Variants in TRIM2 observed in about 807,000 individuals in gnomAD.
The protein encoded by TRIM2 is tripartite motif-containing protein 2.
A neutral mutation model predicts 75.2 loss-of-function variants in TRIM2; 20 were observed. That is an observed-to-expected ratio of 0.27 (90% confidence interval 0.19 to 0.39). The LOEUF (loss-of-function observed/expected upper bound fraction) is 0.39. Among genes scored for constraint, TRIM2 ranks in the 10% least tolerant of loss-of-function variants. TRIM2 has a pLI of 1.00. For missense variants in TRIM2, 660 were observed against 990.8 expected (o/e 0.67, Z 4.48); for synonymous variants, 373 against 388.3 (o/e 0.96, Z 0.46).
intron 6 of TRIM2, among the ~76,000 whole-genome samples, chr4:153,313,328 T>C (rs1175843334): frequency 6.6e-6 from 1 of 152,138 alleles, no homozygotes; most frequent in African/African-American, 2.4e-5. Flanking sequence ...TGCGAGTAGA[T>C]GAGATGCAGA....
upstream of TRIM2, among the ~76,000 whole-genome samples, chr4:153,201,698 A>G (rs1008879143): frequency 5.3e-5 from 8 of 152,100 alleles, no homozygotes; most frequent in Non-Finnish European, 1.0e-4. Context: ...TTGTCTCTAA[A>G]GAAAGAAAAA....
chr4:153,206,668 C>T (rs1396874495), intron 1 of TRIM2, among the ~76,000 whole-genome samples: 1 of 152,072 alleles, frequency 6.6e-6, no homozygotes, highest in Non-Finnish European at 1.5e-5. Context: ...AGTCAACCTC[C>T]TGCCCCTCTT....
intron 1 of TRIM2, among the ~76,000 whole-genome samples, chr4:153,244,147 C>G (rs1371221438): frequency 1.4e-5 from 2 of 139,148 alleles, no homozygotes; most frequent in South Asian, 2.6e-4. Flanking sequence ...TCTTCTTGTT[C>G]TTCTTGTTCT....
chr4:153,274,015 A>C (rs1218427149), intron 2 of TRIM2, among the ~76,000 whole-genome samples: 1 of 152,232 alleles, frequency 6.6e-6, no homozygotes, highest in Non-Finnish European at 1.5e-5. Flanking sequence ...TGTGGCTGGT[A>C]TGCAGCAAAT....
chr4:153,284,997 T>C (rs1760267684), intron 3 of TRIM2, among the ~76,000 whole-genome samples: 1 of 152,232 alleles, frequency 6.6e-6, no homozygotes, highest in Non-Finnish European at 1.5e-5. Context: ...TTTGGTGTCA[T>C]AGCTTAGAAT....
intron 1 of TRIM2, among the ~76,000 whole-genome samples, chr4:153,164,048 T>C (rs1488043457): frequency 6.6e-6 from 1 of 152,224 alleles, no homozygotes; most frequent in Non-Finnish European, 1.5e-5. Context: ...ATCTGTACAA[T>C]TAAGCTAACT....
intron 3 of TRIM2, among the ~76,000 whole-genome samples, chr4:153,280,004 G>A (rs945587245): frequency 1.3e-4 from 19 of 151,180 alleles, no homozygotes; most frequent in Non-Finnish European, 2.2e-4. Context: ...AGCCCAGAAG[G>A]TTGAGGCAGC....
intron 1 of TRIM2, among the ~76,000 whole-genome samples, chr4:153,160,423 T>G (rs1038123252): frequency 6.6e-6 from 1 of 152,212 alleles, no homozygotes; most frequent in Admixed American, 6.5e-5. Context: ...GAGCTACTAC[T>G]GGGATTTTTA....
chr4:153,284,322 T>G (rs981097907), intron 3 of TRIM2, among the ~76,000 whole-genome samples: 18 of 152,098 alleles, frequency 1.2e-4, no homozygotes, highest in African/African-American at 4.1e-4. Context: ...TGCCTCAGCC[T>G]CCTGAGTAGC....
At chr4:153,290,883 C>A (rs777959825) in intron 3 of TRIM2, among the ~76,000 whole-genome samples, 4 of 152,182 alleles carry the variant, frequency 2.6e-5, no homozygotes, top group East Asian at 1.9e-4. Flanking sequence ...CCCACCTTGG[C>A]CTTCCAAAGT....
intron 1 of TRIM2, among the ~76,000 whole-genome samples, chr4:153,163,087 G>A (rs1729904079): frequency 6.6e-6 from 1 of 152,148 alleles, no homozygotes; most frequent in Non-Finnish European, 1.5e-5. Flanking sequence ...TGACTGCTTT[G>A]TTTAGTTGAT....
At chr4:153,180,358 G>A (rs1172542695) in intron 1 of TRIM2, among the ~76,000 whole-genome samples, 1 of 152,132 alleles carries the variant, frequency 6.6e-6, no homozygotes, top group Non-Finnish European at 1.5e-5. Flanking sequence ...CAAGGTTCTC[G>A]ACAGCCTGGG....
At chr4:153,203,853 C>T (rs1734728437), upstream of TRIM2, among the ~76,000 whole-genome samples, 1 of 152,162 alleles carries the variant, frequency 6.6e-6, no homozygotes, top group African/African-American at 2.4e-5. Flanking sequence ...GATTGTGCCA[C>T]TGCACTCCGG....
Position 153,324,160 on chromosome 4 carries a change from A to G in TRIM2, c.2022+12A>G. The G allele has an allele frequency of 6.2e-7, 1 of 1,605,632 alleles. No homozygotes were observed. The highest frequency in any genetic ancestry group is 1.3e-5 in the African/African-American group (1 of 74,588). ...ATCATTCTGTCAAGGTACTACAAGC[A>G]CATGAGTTGTTGTTAACTTTTAACT... On this transcript the variant is annotated intron_variant, in intron 10 of 11. Transcript: ENST00000338700.
chr4:153,325,861 G>A lies in TRIM2; in HGVS notation c.2022+1713G>A, dbSNP rs141544960. 2.1e-3 allele frequency among the ~76,000 whole-genome samples: 315 copies of A among 152,244 alleles called. 1 individual carries two copies. The highest frequency in any genetic ancestry group is 7.3e-3 in the African/African-American group (302 of 41,536). On this transcript the variant is annotated intron_variant, in intron 10 of 11. Coordinates refer to ENST00000338700, the MANE Select transcript of TRIM2 (RefSeq NM_015271.5). The stretch of plus-strand genomic sequence containing the variant: ...ATCAACTGGCATTGGTATGTGGGAC[G>A]GCTCCTATTTACCAGTCCTGGCTGA...
At chr4:153,239,404 A>G (rs1745910869) in intron 1 of TRIM2, among the ~76,000 whole-genome samples, 1 of 148,448 alleles carries the variant, frequency 6.7e-6, no homozygotes, top group Admixed American at 6.7e-5. Flanking sequence ...TGGAGATTTT[A>G]TCATAAAGAT....
chr4:153,272,531 G>A (rs1251643946), intron 2 of TRIM2, among the ~76,000 whole-genome samples: 1 of 151,936 alleles, frequency 6.6e-6, no homozygotes, highest in Admixed American at 6.6e-5. Flanking sequence ...CTGTCACCCA[G>A]TCTAGAGTGC....
chr4:153,176,171 T>C (rs7663373), intron 1 of TRIM2, among the ~76,000 whole-genome samples: 76,203 of 151,900 alleles, frequency 0.5, 19,131 homozygotes, highest in Non-Finnish European at 0.53. Context: ...TGATAAAGCA[T>C]GGCTAGGCAC....
intron 1 of TRIM2, among the ~76,000 whole-genome samples, chr4:153,177,226 CG>C (rs1264352456): frequency 6.6e-6 from 1 of 152,224 alleles, no homozygotes; most frequent in Non-Finnish European, 1.5e-5. Context: ...TGTCATAAGA[CG>C]AGGTTCTCTG....
Sources: allele counts gnomAD v4.1 joint callset (sites outside exome capture counted in the v4.1 genomes callset), GRCh38; gene constraint gnomAD v4.1.1; transcripts MANE v1.5; gene names NCBI Gene and HGNC (gene_info 2026-07-23, HGNC 2026-07-21).